The following HIPK2 variants were observed in gnomAD, a reference collection of about 807,000 sequenced individuals.
HIPK2 encodes homeodomain interacting protein kinase 2.
A neutral mutation model predicts 113.7 loss-of-function variants in HIPK2; 27 were observed. The observed-to-expected ratio is 0.24, with a 90% CI of 0.17 to 0.33. The LOEUF (loss-of-function observed/expected upper bound fraction) is 0.33, where lower values mean the gene tolerates loss of function less well. HIPK2 is among the 10% of genes least tolerant of loss of function. The pLI is 1.00. For missense variants in HIPK2, 1,257 were observed against 1,588.0 expected, an observed-to-expected ratio of 0.79 and a Z score of 3.54; for synonymous variants, 631 against 642.2, an observed-to-expected ratio of 0.98 and a Z score of 0.26.
At chr7:139,704,743 G>A (rs143376528) in intron 2 of HIPK2, among the ~76,000 whole-genome samples, 24,313 of 152,048 alleles carry the variant, frequency 0.16, 4,061 homozygotes, top group African/African-American at 0.41. Flanking sequence ...GCTGCAGGAG[G>A]TACCAGCAGG....
rs770537105 is a variant in HIPK2, at chr7:139,631,560, GAAGA to G, written c.1227+38_1227+41del. 12 of 1,596,430 alleles carry G rather than the reference GAAGA, an allele frequency of 7.5e-6. No individual in the cohort carries two copies. Among genetic ancestry groups the G allele is most frequent in the Non-Finnish European group, 5.1e-6 (6 of 1,170,352 alleles). On this transcript the variant is annotated intron_variant, in intron 3 of 14. Coordinates refer to ENST00000406875, the MANE Select transcript of HIPK2 (RefSeq NM_022740.5). The surrounding 1 kb of genome is among the most constrained non-coding windows in gnomAD (Gnocchi z 4.9). ...TGCTAATCCAGGCTATTTTCCAGAT[GAAGA>G]ATGAGGTCTTGTGAATATCTGTGTC... is the stretch of plus-strand genomic sequence containing the variant.
At chr7:139,592,388 CA>C (rs1168157301) in intron 12 of HIPK2, among the ~76,000 whole-genome samples, 1 of 152,140 alleles carries the variant, frequency 6.6e-6, no homozygotes, top group African/African-American at 2.4e-5. Context: ...TGGAGCTGGA[CA>C]AAATCATTTC....
chr7:139,633,469 A>G (rs1435019454), intron 2 of HIPK2, among the ~76,000 whole-genome samples: 1 of 152,152 alleles, frequency 6.6e-6, no homozygotes, highest in African/African-American at 2.4e-5. Context: ...AGAAGAAAAC[A>G]AACAAAACCC....
At chr7:139,740,464 C>T (rs1222607383) in intron 1 of HIPK2, among the ~76,000 whole-genome samples, 1 of 152,204 alleles carries the variant, frequency 6.6e-6, no homozygotes, top group South Asian at 2.1e-4. Context: ...TCTACCGTCC[C>T]TCACCAGGGC....
chr7:139,645,539 G>A (rs1340235128), intron 2 of HIPK2, among the ~76,000 whole-genome samples: 6 of 152,280 alleles, frequency 3.9e-5, no homozygotes, highest in Non-Finnish European at 8.8e-5. Context: ...AAGCAGGGCC[G>A]AAACCCACTA....
chr7:139,574,163 A>C (rs1011951363), intron 14 of HIPK2, among the ~76,000 whole-genome samples: 2 of 152,058 alleles, frequency 1.3e-5, no homozygotes, highest in African/African-American at 4.8e-5. Context: ...TTTCTTACTC[A>C]CTGTAAAATC....
intron 2 of HIPK2, among the ~76,000 whole-genome samples, chr7:139,713,366 C>T (rs1569479164): frequency 1.3e-5 from 2 of 152,140 alleles, no homozygotes; most frequent in African/African-American, 2.4e-5. Flanking sequence ...CTAGGATCCC[C>T]GATTTTGCGA....
At chr7:139,703,415 T>G (rs1794769998) in intron 2 of HIPK2, among the ~76,000 whole-genome samples, 1 of 152,086 alleles carries the variant, frequency 6.6e-6, no homozygotes, top group Admixed American at 6.5e-5. Flanking sequence ...TTTGCCAATG[T>G]AAGTTCTAAT....
At chr7:139,715,891 T>G in intron 2 of HIPK2, 41 bp downstream of exon 2, 1 of 1,588,148 alleles carries the variant, frequency 6.3e-7, no homozygotes, top group South Asian at 1.1e-5. Context: ...TGAGTGCCAC[T>G]GGGCATTCAG....
Position 139,572,975 on chromosome 7 carries a change from A to G in HIPK2, c.3549T>C (p.Thr1183=), listed in dbSNP as rs1798348968. 6.4e-7 allele frequency: 1 copy of G among 1,560,576 alleles called. No homozygotes were observed. The highest frequency in any genetic ancestry group is 8.7e-7 in the Non-Finnish European group (1 of 1,154,764). Residue 1183 remains threonine, a synonymous_variant, in exon 15 of 15, where the codon ACT becomes ACC. Coordinates refer to ENST00000406875, the MANE Select transcript of HIPK2 (RefSeq NM_022740.5). ...CCTTGGCGGGGCTCAGTGGGTATCC[A>G]GTGTAGACGGTGGAGGCTGGCGAGG... ...ISASPASTVY[T]GYPLSPAKVN...
At chr7:139,587,662 T>TC (rs1798882080) in intron 12 of HIPK2, among the ~76,000 whole-genome samples, 1 of 151,930 alleles carries the variant, frequency 6.6e-6, no homozygotes, top group South Asian at 2.1e-4. Context: ...TCCCAGCGCT[T>TC]GAGGCCAGAA....
chr7:139,767,340 A>G (rs1796569089), intron 1 of HIPK2, among the ~76,000 whole-genome samples: 1 of 152,206 alleles, frequency 6.6e-6, no homozygotes, highest in Non-Finnish European at 1.5e-5. Flanking sequence ...CACCCCAAAG[A>G]AGGTTCTGTG....
At chr7:139,715,520 A>T (rs1428807325) in intron 2 of HIPK2, among the ~76,000 whole-genome samples, 1 of 152,188 alleles carries the variant, frequency 6.6e-6, no homozygotes, top group African/African-American at 2.4e-5. Context: ...GCTTTCACTC[A>T]CATCTCCCAC....
chr7:139,604,779 G>A (rs1467626085), intron 9 of HIPK2, among the ~76,000 whole-genome samples: 2 of 150,500 alleles, frequency 1.3e-5, no homozygotes, highest in Admixed American at 6.6e-5. Context: ...ATTCATTCAT[G>A]TTGAAGAATG....
intron 2 of HIPK2, among the ~76,000 whole-genome samples, chr7:139,667,000 G>C (rs1802071458): frequency 6.6e-6 from 1 of 151,934 alleles, no homozygotes; most frequent in African/African-American, 2.4e-5. Context: ...GGGGGGCAGA[G>C]GTTGCAGTGA....
chr7:139,708,337 C>T (rs1285145830), intron 2 of HIPK2, among the ~76,000 whole-genome samples: 1 of 152,154 alleles, frequency 6.6e-6, no homozygotes, highest in East Asian at 1.9e-4. Flanking sequence ...TAAGTATGTA[C>T]AGCTTTCTGT....
chr7:139,638,720 C>T (rs937831625), intron 2 of HIPK2, among the ~76,000 whole-genome samples: 8 of 147,636 alleles, frequency 5.4e-5, no homozygotes, highest in Non-Finnish European at 8.9e-5. Flanking sequence ...TGCAGTGGCG[C>T]GATCTTGGCT....
intron 2 of HIPK2, among the ~76,000 whole-genome samples, chr7:139,670,158 G>A (rs1802210696): frequency 6.6e-6 from 1 of 152,168 alleles, no homozygotes; most frequent in South Asian, 2.1e-4. Context: ...GAAGGTTCAA[G>A]TCCTAAAAGG....
chr7:139,604,119 G>C lies in HIPK2; in HGVS notation c.2217C>G (p.Pro739=), dbSNP rs367887863. 6.8e-6 allele frequency: 11 copies of C among 1,613,912 alleles called. No individual in the cohort carries two copies. Among genetic ancestry groups the C allele is most frequent in the South Asian group, 1.1e-5 (1 of 91,074 alleles). ...HTSVQHATVI[P]ETMAGTQQLA... ...GCTGCTGGGTGCCTGCCATGGTCTC[G>C]GGAATCACGGTGGCATGCTGCACTG... The change falls in exon 10 of 15, where the codon CCC becomes CCG. Residue 739 remains proline (P), a synonymous_variant. Coordinates refer to ENST00000406875, the MANE Select transcript of HIPK2 (RefSeq NM_022740.5).
Sources: allele counts gnomAD v4.1 joint callset (sites outside exome capture counted in the v4.1 genomes callset), GRCh38; gene constraint gnomAD v4.1.1; non-coding constraint Gnocchi (gnomAD v3.1); transcripts MANE v1.5; gene names NCBI Gene and HGNC (gene_info 2026-07-23, HGNC 2026-07-21).